KIF11: variants seen among roughly 807,000 people sequenced by gnomAD.
KIF11 encodes kinesin family member 11.
In KIF11, 9 loss-of-function variants were observed where a neutral mutation model predicts 121.0. The ratio of observed to expected loss-of-function variants is 0.07; its 90% CI spans 0.04 to 0.13. The LOEUF is 0.13. Among genes scored for constraint, KIF11 ranks in the 10% least tolerant of loss-of-function variants. The pLI is 1.00. For synonymous variants in KIF11, 408 were observed against 421.0 expected (o/e 0.97, Z 0.38); for missense variants, 846 against 1,217.5 (o/e 0.69, Z 4.54).
chr10:92,606,590 A>AG, intron 2 of KIF11, 29 bp from the exon 3 acceptor site: 1 of 1,117,702 alleles, frequency 8.9e-7, no homozygotes, highest in Non-Finnish European at 1.3e-6. Context: ...TTTGAGGTTG[A>AG]TTTTTTTTTT....
intron 1 of KIF11, among the ~76,000 whole-genome samples, chr10:92,596,036 C>G (rs1004714562): frequency 5.9e-5 from 9 of 152,178 alleles, no homozygotes; most frequent in Non-Finnish European, 1.3e-4. Flanking sequence ...GAGTCTCGCT[C>G]TGTTGCCCAG....
chr10:92,616,562 A>G (rs1844559538), intron 8 of KIF11, among the ~76,000 whole-genome samples, 175 bp from the exon 9 acceptor site: 1 of 152,198 alleles, frequency 6.6e-6, no homozygotes, highest in South Asian at 2.1e-4. Context: ...AAGGGAAAAA[A>G]GGATTGAACA....
At chr10:92,651,336 AC>A (rs1405482861) in intron 21 of KIF11, among the ~76,000 whole-genome samples, 2 of 134,550 alleles carry the variant, frequency 1.5e-5, no homozygotes, top group Non-Finnish European at 1.6e-5. Context: ...CCCTCTACCC[AC>A]TTTTTTTTTT....
At chr10:92,652,731 T>TTCA (rs1845001482) in intron 21 of KIF11, among the ~76,000 whole-genome samples, 1 of 152,172 alleles carries the variant, frequency 6.6e-6, no homozygotes, top group Admixed American at 6.5e-5. Context: ...CAGAAATCGT[T>TTCA]TTATTATTAT....
chr10:92,609,291 AGAGAGAGAGAGAGTGTGTGTGTGT>A (rs1844466231), intron 5 of KIF11, 70 bp from the exon 6 acceptor site: 2 of 1,303,206 alleles, frequency 1.5e-6, no homozygotes, highest in East Asian at 3.0e-5. Context: ...AGAGAGAGAG[AGAGAGAGAGAGAGTGTGTGTGTGT>A]GTGTGTGTGT....
At chr10:92,646,174 A>C (rs953823542) in intron 18 of KIF11, among the ~76,000 whole-genome samples, 3 of 151,992 alleles carry the variant, frequency 2.0e-5, no homozygotes, top group African/African-American at 7.2e-5. Context: ...GGCTGGTGTC[A>C]AACTCCTGAC....
intron 4 of KIF11, among the ~76,000 whole-genome samples, chr10:92,608,235 C>T (rs1345632417): frequency 6.6e-6 from 1 of 151,164 alleles, no homozygotes; most frequent in Non-Finnish European, 1.5e-5. Context: ...CTTCAGCCTC[C>T]TGAGTAGCTG....
In KIF11 at chr10:92,620,287, A is replaced by G. The variant is rs1224149812; in HGVS notation, c.1129-1098A>G. Among the ~76,000 whole-genome samples, 4 of 152,058 alleles carry G rather than the reference A, an allele frequency of 2.6e-5. No homozygotes were observed. In the South Asian group the frequency reaches 6.2e-4, roughly 24 times the overall value. The stretch of plus-strand genomic sequence containing the variant: ...AGTAGAGACAGGGTTTCACCATGTT[A>G]GCCAGGATAGTCTTGATCTCCTGAC... On this transcript the variant is annotated intron_variant, in intron 9 of 21. Transcript: ENST00000260731.
chr10:92,615,124 C>T (rs1296851263), intron 8 of KIF11, among the ~76,000 whole-genome samples: 1 of 151,956 alleles, frequency 6.6e-6, no homozygotes, highest in Non-Finnish European at 1.5e-5. Flanking sequence ...CTTTTTTAGG[C>T]CAGGCACGGT....
chr10:92,647,396 A>G (rs1844931318), intron 18 of KIF11, among the ~76,000 whole-genome samples: 1 of 152,184 alleles, frequency 6.6e-6, no homozygotes, highest in African/African-American at 2.4e-5. Flanking sequence ...ATTATTAAGA[A>G]TGGGCCCTTT....
chr10:92,616,639 A>C (rs1844560236), intron 8 of KIF11, 98 bp from the exon 9 acceptor site: 2 of 610,832 alleles, frequency 3.3e-6, no homozygotes, highest in African/African-American at 1.9e-5. Flanking sequence ...TATAACTATA[A>C]AATATTACTT....
intron 1 of KIF11, among the ~76,000 whole-genome samples, chr10:92,600,282 C>T (rs967836193): frequency 6.6e-6 from 1 of 152,048 alleles, no homozygotes; most frequent in Admixed American, 6.6e-5. Flanking sequence ...GGATTACAGG[C>T]GTGAGCCACT....
intron 10 of KIF11, among the ~76,000 whole-genome samples, chr10:92,627,510 C>T (rs533545812): frequency 3.9e-5 from 6 of 152,098 alleles, no homozygotes; most frequent in African/African-American, 1.4e-4. Flanking sequence ...ATATAGCATC[C>T]TTTTATTTTA....
chr10:92,626,000 A>T (rs1226894961), intron 10 of KIF11, among the ~76,000 whole-genome samples: 1 of 152,214 alleles, frequency 6.6e-6, no homozygotes, highest in Non-Finnish European at 1.5e-5. Flanking sequence ...TGGCCATACC[A>T]CCCAAAGCTA....
At chr10:92,611,464 G>T (rs577674501) in intron 6 of KIF11, among the ~76,000 whole-genome samples, 1 of 151,810 alleles carries the variant, frequency 6.6e-6, no homozygotes, top group Non-Finnish European at 1.5e-5. Context: ...CGTCCACCTC[G>T]GCTTCCCAAA....
At chr10:92,602,825 C>CGTGTGTGTGTGT (rs3980475) in intron 1 of KIF11, among the ~76,000 whole-genome samples, 1,620 of 122,400 alleles carry the variant, frequency 0.013, 43 homozygotes, top group African/African-American at 0.056. Flanking sequence ...CACACACACA[C>CGTGTGTGTGTGT]GTGTGTGTGT....
intron 8 of KIF11, among the ~76,000 whole-genome samples, chr10:92,615,996 G>T (rs537696852): frequency 1.3e-5 from 2 of 151,632 alleles, no homozygotes; most frequent in South Asian, 4.2e-4. Flanking sequence ...CCACCACCAT[G>T]CCTGGCTAAT....
At chr10:92,649,501 G>A (rs973361750) in intron 19 of KIF11, among the ~76,000 whole-genome samples, 1 of 152,016 alleles carries the variant, frequency 6.6e-6, no homozygotes, top group Non-Finnish European at 1.5e-5. Flanking sequence ...TAATCATGTT[G>A]GGAAATCTAC....
chr10:92,653,622 T>C, intron 21 of KIF11, 43 bp from the exon 22 acceptor site: 1 of 1,571,108 alleles, frequency 6.4e-7, no homozygotes, highest in Non-Finnish European at 8.7e-7. Context: ...GTGTATCTAA[T>C]GTTACTTTGT....
Sources: gnomAD v4.1 joint callset for allele counts (sites outside exome capture counted in the v4.1 genomes callset) on GRCh38, gnomAD v4.1.1 for gene constraint, MANE v1.5 for transcripts, NCBI Gene and HGNC (gene_info 2026-07-23, HGNC 2026-07-21) for gene names.